The following PREX2 variants were observed in gnomAD, a reference collection of about 807,000 sequenced individuals.
PREX2 encodes the protein phosphatidylinositol-3,4,5-trisphosphate dependent Rac exchange factor 2.
In PREX2, 107 loss-of-function variants were observed where a neutral mutation model predicts 203.2. The observed-to-expected ratio is 0.53, with a 90% CI of 0.45 to 0.62. The LOEUF is 0.62. Ranked by LOEUF, PREX2 falls within the 20% of genes least tolerant of loss-of-function variation. The probability of loss-of-function intolerance (pLI) is 0.00; values close to 1 mark genes in which losing one functional copy is unlikely to be tolerated. For missense variants in PREX2, 1,777 were observed against 1,955.9 expected, an observed-to-expected ratio of 0.91 and a Z score of 1.72; for synonymous variants, 672 against 663.6, an observed-to-expected ratio of 1.01 and a Z score of -0.19.
chr8:68,035,641 A>G (rs1808005382), intron 6 of PREX2, among the ~76,000 whole-genome samples: 1 of 152,154 alleles, frequency 6.6e-6, no homozygotes, highest in Non-Finnish European at 1.5e-5. Context: ...CTGTGTTAGG[A>G]TAATATTTTT....
chr8:68,225,375 GAA>G (rs1251053987), intron 39 of PREX2, among the ~76,000 whole-genome samples: 1 of 152,142 alleles, frequency 6.6e-6, no homozygotes, highest in East Asian at 1.9e-4. Context: ...AGCCATCAGA[GAA>G]ATGCTCTGGT....
chr8:68,039,354 A>G (rs186857154), intron 7 of PREX2, among the ~76,000 whole-genome samples: 59 of 152,256 alleles, frequency 3.9e-4, no homozygotes, highest in Middle Eastern at 3.4e-3. Context: ...CCTGTAACTT[A>G]GCTGAGCAAT....
chr8:68,077,966 AT>A (rs1317231642), intron 15 of PREX2, among the ~76,000 whole-genome samples: 2 of 151,880 alleles, frequency 1.3e-5, no homozygotes, highest in African/African-American at 2.4e-5. Context: ...TTAAATGTTA[AT>A]TTTTTTTCTT....
At chr8:68,181,358 T>C (rs924735347) in intron 35 of PREX2, among the ~76,000 whole-genome samples, 5 of 152,160 alleles carry the variant, frequency 3.3e-5, no homozygotes, top group Admixed American at 3.3e-4. Context: ...ATTCTAGCCA[T>C]ATTCCATTTT....
At chr8:68,051,722 G>A (rs944318147) in intron 8 of PREX2, among the ~76,000 whole-genome samples, 9 of 152,034 alleles carry the variant, frequency 5.9e-5, no homozygotes, top group Non-Finnish European at 1.3e-4. Flanking sequence ...AACACATAAA[G>A]GTAATAAAAG....
chr8:68,204,245 A>G lies in PREX2; in HGVS notation c.4604+11720A>G, dbSNP rs28555177. 2.6e-3 allele frequency among the ~76,000 whole-genome samples: 399 copies of G among 152,248 alleles called. 2 individuals carry two copies. The highest frequency in any genetic ancestry group is 9.4e-3 in the African/African-American group (390 of 41,544). The stretch of plus-strand genomic sequence containing the variant: ...ATTACCCAACCCCAGAAGGTCCCTA[A>G]TCACCTCTATGCTAACCTCCACAAT... On this transcript the variant is annotated intron_variant, in intron 37 of 39. Coordinates refer to ENST00000288368, the MANE Select transcript of PREX2 (RefSeq NM_024870.4).
chr8:68,203,136 T>C (rs866635892), intron 37 of PREX2, among the ~76,000 whole-genome samples: 6 of 152,056 alleles, frequency 3.9e-5, no homozygotes, highest in African/African-American at 1.4e-4. Flanking sequence ...CCACACTACA[T>C]GGTTTTCCCT....
At position 67,952,497 on chromosome 8, in the gene PREX2, G is replaced by A; in HGVS notation, c.103G>A (p.Glu35Lys). Residue 35 changes from glutamate to lysine, a missense_variant, in exon 1 of 40, where the codon GAG becomes AAG. Physicochemically the swap from Glu to Lys is moderately conservative, Grantham distance 56. Coordinates refer to ENST00000288368, the MANE Select transcript of PREX2 (RefSeq NM_024870.4). ...VCVLSELQKTERDYVGTLEFL... is the reference protein window; with the variant it reads ...VCVLSELQKTKRDYVGTLEFL... ...CGTGCTCAGCGAGCTCCAGAAGACC[G>A]AGCGGGACTATGTGGGCACGCTGGA... is the stretch of plus-strand genomic sequence containing the variant. 2 of 1,610,064 alleles carry A rather than the reference G, an allele frequency of 1.2e-6. No individual in the cohort carries two copies. Among genetic ancestry groups the A allele is most frequent in the Non-Finnish European group, 1.7e-6 (2 of 1,178,270 alleles).
intron 34 of PREX2, among the ~76,000 whole-genome samples, chr8:68,148,233 T>C (rs1030763878): frequency 2.4e-4 from 37 of 152,160 alleles, no homozygotes; most frequent in African/African-American, 7.0e-4. Flanking sequence ...GGCAATAGGG[T>C]GAGACTCTGC....
At chr8:68,175,740 T>C (rs1243272973) in intron 35 of PREX2, among the ~76,000 whole-genome samples, 1 of 152,158 alleles carries the variant, frequency 6.6e-6, no homozygotes, top group Non-Finnish European at 1.5e-5. Context: ...GTATCAATTT[T>C]AAATGCCATC....
At position 68,236,005 on chromosome 8, in the gene PREX2, A is replaced by G. The variant is rs1475054126; in HGVS notation, c.*4627A>G. 6.6e-6 allele frequency: 1 copy of G among 152,170 alleles called. No homozygotes were observed. Among genetic ancestry groups the G allele is most frequent in the African/African-American group, 2.4e-5 (1 of 41,438 alleles). The allele number at this position is 152,170 out of a possible 1,614,324, so 9.4% of individuals were successfully genotyped here. A position where few individuals can be genotyped will look rare whatever the true frequency, so the allele number is the denominator to read the frequency against. On this transcript the variant is annotated 3_prime_UTR_variant, in exon 40 of 40. Coordinates refer to ENST00000288368, the MANE Select transcript of PREX2 (RefSeq NM_024870.4). ...TATGTGTATGTATATGCCTATATAT[A>G]TTATTATATTTACTAGTGTTTGTGA...
intron 1 of PREX2, among the ~76,000 whole-genome samples, chr8:67,973,867 G>A (rs185223132): frequency 3.9e-5 from 6 of 152,286 alleles, no homozygotes; most frequent in Admixed American, 3.3e-4. Context: ...AATGTAAAAT[G>A]TGAAAGTGGA....
At chr8:67,996,779 A>G (rs6993608) in intron 1 of PREX2, among the ~76,000 whole-genome samples, 93,346 of 151,606 alleles carry the variant, frequency 0.62, 29,957 homozygotes, top group African/African-American at 0.8. Context: ...CCTTATACAT[A>G]TATGTCTATT....
chr8:68,198,676 T>C (rs890312029), intron 37 of PREX2, among the ~76,000 whole-genome samples: 1 of 152,172 alleles, frequency 6.6e-6, no homozygotes, highest in Non-Finnish European at 1.5e-5. Flanking sequence ...TCCCTCCACA[T>C]TAATTTCGGC....
intron 1 of PREX2, among the ~76,000 whole-genome samples, chr8:67,975,756 T>G (rs1806063608): frequency 7.9e-6 from 1 of 126,130 alleles, no homozygotes; most frequent in Non-Finnish European, 1.6e-5. Flanking sequence ...AAGACTGGAG[T>G]GCAGTGGCAC....
At chr8:68,088,446 C>T (rs1563538653) in intron 19 of PREX2, among the ~76,000 whole-genome samples, 2 of 152,142 alleles carry the variant, frequency 1.3e-5, no homozygotes, top group African/African-American at 2.4e-5. Context: ...CAAGAAGTGT[C>T]ACTATTAGCA....
chr8:68,120,726 G>A (rs980885483), intron 29 of PREX2, among the ~76,000 whole-genome samples, 195 bp from the exon 30 acceptor site: 7 of 152,024 alleles, frequency 4.6e-5, no homozygotes, highest in Admixed American at 2.0e-4. Flanking sequence ...AATTTGCTTC[G>A]TTTAAACATT....
intron 11 of PREX2, among the ~76,000 whole-genome samples, chr8:68,061,638 A>G (rs115414489): frequency 0.01 from 1,535 of 152,290 alleles, 30 homozygotes; most frequent in African/African-American, 0.033. Flanking sequence ...GAGAGATTAA[A>G]GTATTCTGAG....
chr8:68,122,795 T>G (rs1271545987), intron 30 of PREX2, among the ~76,000 whole-genome samples: 2 of 152,174 alleles, frequency 1.3e-5, no homozygotes, highest in East Asian at 1.9e-4. Flanking sequence ...TTATTCAATA[T>G]CCATGTAATT....
Sources: gnomAD v4.1 joint callset for allele counts (sites outside exome capture counted in the v4.1 genomes callset) on GRCh38, gnomAD v4.1.1 for gene constraint, MANE v1.5 for transcripts, NCBI Gene and HGNC (gene_info 2026-07-23, HGNC 2026-07-21) for gene names.